Variants in PUDP observed in about 807,000 individuals in gnomAD.
The protein encoded by PUDP is pseudouridine 5'-phosphatase, also known as pseudouridine-5'-phosphatase.
In PUDP, 8 loss-of-function variants were observed where a neutral mutation model predicts 9.4. That is an observed-to-expected ratio of 0.85 (90% confidence interval 0.50 to 1.53). The LOEUF (loss-of-function observed/expected upper bound fraction) is 1.53. Ranked by LOEUF, PUDP falls within the 40% of genes most tolerant of loss-of-function variation. PUDP has a pLI of 0.00. For missense variants in PUDP, 188 were observed against 189.7 expected (o/e 0.99, Z 0.05); for synonymous variants, 99 against 80.7 (o/e 1.23, Z -1.22).
intron 3 of PUDP, among the ~76,000 whole-genome samples, chrX:6,876,570 G>A (rs2146736660): frequency 9.3e-6 from 1 of 107,999 alleles, no homozygotes; most frequent in African/African-American, 3.4e-5. Context: ...ATATACCTAT[G>A]TGTGACCTAT....
intron 1 of PUDP, among the ~76,000 whole-genome samples, chrX:7,010,919 G>C (rs1045877758): frequency 1.1e-4 from 12 of 112,064 alleles, no homozygotes; most frequent in African/African-American, 3.9e-4. Context: ...GCACTGTTAT[G>C]ACAGAGAACC....
intron 1 of PUDP, among the ~76,000 whole-genome samples, chrX:6,992,970 G>C (rs1180567694): frequency 2.7e-5 from 3 of 111,595 alleles, no homozygotes; most frequent in Non-Finnish European, 5.7e-5. Flanking sequence ...TTGAACATCA[G>C]ACTCCAAGTT....
intron 3 of PUDP, among the ~76,000 whole-genome samples, chrX:6,933,706 C>T (rs1379631361): frequency 1.9e-5 from 2 of 103,564 alleles, no homozygotes; most frequent in African/African-American, 6.7e-5. Flanking sequence ...GACATTCAAA[C>T]CAAAGGCAAA....
In PUDP at chrX:7,146,835, G is replaced by GT. The variant is rs72051800; in HGVS notation, c.61+1217dup. 6.5e-3 allele frequency among the ~76,000 whole-genome samples: 539 copies of GT among 82,963 alleles called. 3 individuals carry two copies. Among genetic ancestry groups the GT allele is most frequent in the East Asian group, 0.037 (91 of 2,482 alleles). The allele number at this position is 82,963 out of a possible 115,157, so 72.0% of individuals were successfully genotyped here. A position where few individuals can be genotyped will look rare whatever the true frequency, so the allele number is the denominator to read the frequency against. On this transcript the variant is annotated intron_variant, in intron 1 of 3. Transcript: ENST00000381077. The stretch of plus-strand genomic sequence containing the variant: ...TAGCTTTACCTCTCTGAGCTGCAGG[G>GT]TTTTTTTTTTTTTTTTTTTTTTAAT...
chrX:6,755,565 T>C (rs757190788), intron 3 of PUDP, among the ~76,000 whole-genome samples: 6 of 111,902 alleles, frequency 5.4e-5, no homozygotes, highest in African/African-American at 1.9e-4. Context: ...TCATCAATAA[T>C]ATATTTCAAT....
intron 3 of PUDP, among the ~76,000 whole-genome samples, chrX:6,847,031 C>T (rs1926759714): frequency 8.9e-6 from 1 of 111,967 alleles, no homozygotes; most frequent in African/African-American, 3.2e-5. Flanking sequence ...TCTGTGGTCA[C>T]TTTTCATAAA....
chrX:7,099,104 A>C (rs1931657124), intron 2 of PUDP, among the ~76,000 whole-genome samples: 2 of 112,445 alleles, frequency 1.8e-5, no homozygotes, highest in Middle Eastern at 9.3e-3. Flanking sequence ...CTCCTGGGGG[A>C]TTCTACACAA....
chrX:6,877,703 A>G (rs929373214), intron 3 of PUDP, among the ~76,000 whole-genome samples: 4 of 111,968 alleles, frequency 3.6e-5, no homozygotes, highest in African/African-American at 1.3e-4. Flanking sequence ...AATGGCTGCA[A>G]AACTGTGACT....
intron 3 of PUDP, among the ~76,000 whole-genome samples, chrX:6,846,409 C>CAA (rs55712277): frequency 1.6e-5 from 1 of 63,428 alleles, no homozygotes. Flanking sequence ...GACTCCCTCT[C>CAA]AAAAAAAAAA....
At chrX:7,032,989 G>T (rs1455449083) in intron 1 of PUDP, among the ~76,000 whole-genome samples, 5 of 111,619 alleles carry the variant, frequency 4.5e-5, no homozygotes, top group Non-Finnish European at 9.4e-5. Context: ...CAGTGGACTG[G>T]GAGAGGCAGC....
At chrX:6,804,725 C>A (rs1926021562) in intron 3 of PUDP, among the ~76,000 whole-genome samples, 1 of 111,397 alleles carries the variant, frequency 9.0e-6, no homozygotes, top group Admixed American at 9.6e-5. Context: ...TGATCTCTCC[C>A]AGCCACAGCC....
At chrX:6,793,712 T>A (rs975328091) in intron 3 of PUDP, among the ~76,000 whole-genome samples, 2 of 110,910 alleles carry the variant, frequency 1.8e-5, no homozygotes, top group African/African-American at 6.5e-5. Flanking sequence ...CTCCCAAAGC[T>A]CTTAACCCCA....
intron 3 of PUDP, among the ~76,000 whole-genome samples, chrX:6,760,730 T>C (rs1376892716): frequency 3.6e-5 from 4 of 112,192 alleles, no homozygotes; most frequent in Non-Finnish European, 7.5e-5. Flanking sequence ...AAACTTATTC[T>C]CCCTTATTTT....
At chrX:7,094,850 C>G (rs896806703) in intron 2 of PUDP, among the ~76,000 whole-genome samples, 1 of 111,718 alleles carries the variant, frequency 9.0e-6, no homozygotes, top group African/African-American at 3.3e-5. Flanking sequence ...TACAATTTTC[C>G]TTTTCGCTTG....
intron 3 of PUDP, among the ~76,000 whole-genome samples, chrX:6,761,708 A>T (rs1370777238): frequency 8.9e-6 from 1 of 112,340 alleles, no homozygotes; most frequent in Non-Finnish European, 1.9e-5. Flanking sequence ...TTGAAATAAA[A>T]GCAAGCCACC....
intron 2 of PUDP, among the ~76,000 whole-genome samples, chrX:7,081,764 G>C (rs1450779681): frequency 6.2e-5 from 7 of 113,062 alleles, no homozygotes; most frequent in African/African-American, 2.2e-4. Context: ...CTGTCAAAGA[G>C]CAATGATTAA....
At chrX:6,710,549 A>C (rs1924519655) in intron 1 of PUDP, among the ~76,000 whole-genome samples, 1 of 111,624 alleles carries the variant, frequency 9.0e-6, no homozygotes. Context: ...GACCCAGCAG[A>C]AATGGTTGGC....
upstream of PUDP, among the ~76,000 whole-genome samples, chrX:6,724,149 C>T (rs1438500434): frequency 9.0e-6 from 1 of 111,238 alleles, no homozygotes; most frequent in Non-Finnish European, 1.9e-5. Context: ...TAAAAGCAAC[C>T]TCACGTATAA....
chrX:7,065,666 C>A (rs776835872), intron 3 of PUDP, among the ~76,000 whole-genome samples: 3 of 112,272 alleles, frequency 2.7e-5, no homozygotes, highest in South Asian at 3.7e-4. Flanking sequence ...GAGGCCAGAT[C>A]GGGTGAGGAA....
Sources: allele counts gnomAD v4.1 joint callset (sites outside exome capture counted in the v4.1 genomes callset), GRCh38; gene constraint gnomAD v4.1.1; transcripts MANE v1.5; gene names NCBI Gene and HGNC (gene_info 2026-07-23, HGNC 2026-07-21).